RBFOX2: variants seen among roughly 807,000 people sequenced by gnomAD.
RBFOX2 encodes the protein RNA binding fox-1 homolog 2.
RBFOX2 carries 10 observed loss-of-function variants against 49.1 expected under a neutral mutation model. That is an observed-to-expected ratio of 0.20 (90% CI 0.13 to 0.35). The LOEUF (loss-of-function observed/expected upper bound fraction) is 0.35, where lower values mean the gene tolerates loss of function less well. Ranked by LOEUF, RBFOX2 falls within the 10% of genes least tolerant of loss-of-function variation. RBFOX2 has a pLI of 1.00. For synonymous variants in RBFOX2, 183 were observed against 187.4 expected (o/e 0.98, Z 0.19); for missense variants, 323 against 486.9 (o/e 0.66, Z 3.17).
At chr22:35,981,212 G>C (rs369446420) in intron 1 of RBFOX2, among the ~76,000 whole-genome samples, 8 of 152,278 alleles carry the variant, frequency 5.3e-5, no homozygotes, top group East Asian at 1.9e-4. Context: ...AAAATATGCA[G>C]AGCAACTGTA....
chr22:35,752,887 T>G (rs1935461083), intron 9 of RBFOX2, among the ~76,000 whole-genome samples: 1 of 152,140 alleles, frequency 6.6e-6, no homozygotes, highest in Non-Finnish European at 1.5e-5. Flanking sequence ...ATACATAATC[T>G]AGCTGCCACA....
At chr22:35,813,338 TATGAG>T (rs1385891850) in intron 1 of RBFOX2, among the ~76,000 whole-genome samples, 1 of 152,212 alleles carries the variant, frequency 6.6e-6, no homozygotes, top group Non-Finnish European at 1.5e-5. Context: ...TTCAGCAAAC[TATGAG>T]ATAACAGTTC....
chr22:36,026,479 T>G (rs2059438387), intron 1 of RBFOX2, among the ~76,000 whole-genome samples: 1 of 150,902 alleles, frequency 6.6e-6, no homozygotes, highest in Non-Finnish European at 1.5e-5. Flanking sequence ...CAGGAGTAAA[T>G]GAGGGAAAGG....
intron 1 of RBFOX2, chr22:35,897,246 G>C: frequency 7.0e-7 from 1 of 1,428,256 alleles, no homozygotes; most frequent in Non-Finnish European, 9.8e-7. Flanking sequence ...CCAAAACCAA[G>C]AGTTGCTCGG....
chr22:35,740,370 C>T (rs1929262032), exon 12 of RBFOX2: 1 of 152,620 alleles, frequency 6.6e-6, no homozygotes, highest in Non-Finnish European at 1.5e-5. Flanking sequence ...TCAAGTTTCA[C>T]TGTGTATACT....
intron 2 of RBFOX2, among the ~76,000 whole-genome samples, chr22:35,794,554 A>G (rs1431157123): frequency 6.6e-6 from 1 of 151,960 alleles, no homozygotes; most frequent in Non-Finnish European, 1.5e-5. Flanking sequence ...GCTACTCAGG[A>G]GGCTGAGGCA....
intron 2 of RBFOX2, among the ~76,000 whole-genome samples, chr22:35,805,796 GA>G (rs1950625577): frequency 1.3e-5 from 2 of 152,096 alleles, no homozygotes; most frequent in African/African-American, 4.8e-5. Flanking sequence ...ATTCAGTGCT[GA>G]AAAAGAAATG....
At chr22:35,888,101 T>C (rs1360612901) in intron 1 of RBFOX2, among the ~76,000 whole-genome samples, 1 of 152,168 alleles carries the variant, frequency 6.6e-6, no homozygotes, top group African/African-American at 2.4e-5. Flanking sequence ...TCTAACTCAT[T>C]TGGCAGCTCC....
chr22:35,949,570 T>C (rs1315806286), intron 1 of RBFOX2, among the ~76,000 whole-genome samples: 2 of 152,246 alleles, frequency 1.3e-5, no homozygotes, highest in East Asian at 1.9e-4. Flanking sequence ...ACACTTGTTA[T>C]TGTGTGTGTA....
intron 1 of RBFOX2, among the ~76,000 whole-genome samples, chr22:36,019,304 T>A (rs919251111): frequency 6.6e-6 from 1 of 152,138 alleles, no homozygotes; most frequent in Admixed American, 6.5e-5. Flanking sequence ...TTCATTCCAC[T>A]CCTCCACCCT....
At chr22:35,827,811 C>T (rs116903051) in intron 1 of RBFOX2, among the ~76,000 whole-genome samples, 1 of 152,148 alleles carries the variant, frequency 6.6e-6, no homozygotes, top group African/African-American at 2.4e-5. Flanking sequence ...TGCAACACTG[C>T]TTAATTTTCA....
intron 1 of RBFOX2, among the ~76,000 whole-genome samples, chr22:35,849,982 A>G (rs952592354): frequency 2.0e-5 from 3 of 152,162 alleles, no homozygotes; most frequent in African/African-American, 7.2e-5. Flanking sequence ...AAGGGAACAC[A>G]GGCTCCTCAC....
At chr22:35,848,858 A>G (rs1194874461) in intron 1 of RBFOX2, among the ~76,000 whole-genome samples, 1 of 152,174 alleles carries the variant, frequency 6.6e-6, no homozygotes, top group Non-Finnish European at 1.5e-5. Flanking sequence ...CAACTCCTTC[A>G]TTTTATATAC....
chr22:36,019,629 T>C (rs974828800), intron 1 of RBFOX2, among the ~76,000 whole-genome samples: 2 of 152,228 alleles, frequency 1.3e-5, no homozygotes, highest in Admixed American at 6.5e-5. Flanking sequence ...ATTTGGTAAA[T>C]GGAGAAGCCA....
chr22:35,978,655 C>T (rs1451376549), intron 1 of RBFOX2, among the ~76,000 whole-genome samples: 2 of 152,148 alleles, frequency 1.3e-5, no homozygotes, highest in East Asian at 1.9e-4. Flanking sequence ...CAGCATAAAG[C>T]AGGTCCCACT....
At chr22:36,021,381 G>C (rs1334603950) in intron 1 of RBFOX2, among the ~76,000 whole-genome samples, 1 of 151,738 alleles carries the variant, frequency 6.6e-6, no homozygotes, top group Non-Finnish European at 1.5e-5. Flanking sequence ...ACGTACCCTA[G>C]AACTTGAAGT....
At chr22:35,964,811 C>T (rs977011949), upstream of RBFOX2, among the ~76,000 whole-genome samples, 1 of 152,202 alleles carries the variant, frequency 6.6e-6, no homozygotes, top group Non-Finnish European at 1.5e-5. Flanking sequence ...ACAGCCACAA[C>T]ATACACCCTG....
chr22:35,870,957 A>G (rs1478776997), intron 1 of RBFOX2, among the ~76,000 whole-genome samples: 1 of 152,122 alleles, frequency 6.6e-6, no homozygotes, highest in African/African-American at 2.4e-5. Flanking sequence ...TAGAATTAGC[A>G]CCATATCCAC....
chr22:35,780,185 A>T (rs1286008077), intron 3 of RBFOX2, among the ~76,000 whole-genome samples: 1 of 152,148 alleles, frequency 6.6e-6, no homozygotes, highest in African/African-American at 2.4e-5. Flanking sequence ...ATTAAATCTC[A>T]ACTCTGGCCT....
Sources: allele counts gnomAD v4.1 joint callset (sites outside exome capture counted in the v4.1 genomes callset), GRCh38; gene constraint gnomAD v4.1.1; transcripts MANE v1.5; gene names NCBI Gene and HGNC (gene_info 2026-07-23, HGNC 2026-07-21).